GTPBP1: variants seen among roughly 807,000 people sequenced by gnomAD.
GTPBP1 encodes GTP-binding protein 1.
GTPBP1 carries 23 observed loss-of-function variants against 62.0 expected under a neutral mutation model. The ratio of observed to expected loss-of-function variants is 0.37; its 90% CI spans 0.27 to 0.53. The LOEUF (loss-of-function observed/expected upper bound fraction) is 0.53. GTPBP1 is among the 20% of genes least tolerant of loss of function. GTPBP1 has a pLI of 0.89. For missense variants in GTPBP1, 640 were observed against 917.3 expected (o/e 0.70, Z 3.90); for synonymous variants, 344 against 364.4 (o/e 0.94, Z 0.64).
chr22:38,722,816 G>A (rs768128821), intron 5 of GTPBP1: 1 of 1,591,382 alleles, frequency 6.3e-7, no homozygotes, highest in African/African-American at 1.3e-5. Flanking sequence ...CCAGTGTCCA[G>A]TTTGCTGGGC....
downstream of GTPBP1, chr22:38,734,288 G>A (rs1349461808): frequency 1.3e-5 from 6 of 467,192 alleles, no homozygotes; most frequent in Non-Finnish European, 1.8e-5. Flanking sequence ...TAAGCTGCTG[G>A]CTGTTCAAGG....
In GTPBP1 at chr22:38,730,778, A is replaced by T; in HGVS notation, c.*74A>T. On this transcript the variant is annotated 3_prime_UTR_variant, in exon 12 of 12. Transcript: ENST00000216044. This position sits in a 1 kb window ranked among gnomAD's most constrained non-coding sequence, Gnocchi z 5.6. ...CACCACTCCACCAGATGGGCAGAGC[A>T]GCTATGACCGCCACCCAGCCCTCCC... 1 of 806,518 alleles carries T rather than the reference A, an allele frequency of 1.2e-6. No individual in the cohort carries two copies. The highest frequency in any genetic ancestry group is 1.9e-6 in the Non-Finnish European group (1 of 518,790). 50.0% of individuals were successfully genotyped at this position (806,518 alleles called of 1,614,324 possible).
chr22:38,740,568 G>A, downstream of GTPBP1: 1 of 943,362 alleles, frequency 1.1e-6, no homozygotes, highest in Non-Finnish European at 1.5e-6. This position sits in a 1 kb window ranked among gnomAD's most constrained non-coding sequence, Gnocchi z 4.8. Context: ...ACCTGAGAAG[G>A]GGCAAGGCCT....
At chr22:38,715,824 T>C in intron 2 of GTPBP1, 83 bp from the exon 3 acceptor site, 3 of 1,164,690 alleles carry the variant, frequency 2.6e-6, no homozygotes, top group Non-Finnish European at 3.7e-6. Flanking sequence ...TGGCCTTTGT[T>C]AGGTGGGGTT....
chr22:38,715,553 T>C (rs1029781777), intron 2 of GTPBP1, among the ~76,000 whole-genome samples: 9 of 152,176 alleles, frequency 5.9e-5, no homozygotes, highest in African/African-American at 2.2e-4. Flanking sequence ...GCACTTGAGC[T>C]GTATTGCAAT....
chr22:38,706,121 G>A lies in GTPBP1; in HGVS notation c.166G>A (p.Glu56Lys). 2 of 1,301,160 alleles carry A rather than the reference G, an allele frequency of 1.5e-6. No individual in the cohort carries two copies. The highest frequency in any genetic ancestry group is 2.0e-6 in the Non-Finnish European group (2 of 1,023,676). 80.6% of individuals were successfully genotyped at this position (1,301,160 alleles called of 1,614,324 possible). Residue 56 changes from glutamate to lysine, a missense_variant, in exon 1 of 12, where the codon GAG becomes AAG. Coordinates refer to ENST00000216044, the MANE Select transcript of GTPBP1 (RefSeq NM_004286.5). Reference sequence around the variant, plus strand: ...CGAGGACGGCGAGGCGCTCAACGGCGAGCCAGAGCTGGACCTCACCAGCAA... The same window carrying A: ...CGAGGACGGCGAGGCGCTCAACGGCAAGCCAGAGCTGGACCTCACCAGCAA... ...CSEDGEALNG[E>K]PELDLTSKLV...
chr22:38,732,888 G>C lies in GTPBP1; in HGVS notation c.*2184G>C, dbSNP rs372624692. 2 of 152,312 alleles carry C rather than the reference G, an allele frequency of 1.3e-5. No homozygotes were observed. Among genetic ancestry groups the C allele is most frequent in the African/African-American group, 4.8e-5 (2 of 41,450 alleles). The allele number at this position is 152,312 out of a possible 1,614,324, so 9.4% of individuals were successfully genotyped here. ...CTTTTTGTATTTTAGTAGAGACAGG[G>C]TTTCGCCATGTCGGCCAGGGTGGTC... is the stretch of plus-strand genomic sequence containing the variant. On this transcript the variant is annotated 3_prime_UTR_variant, in exon 12 of 12. Coordinates refer to ENST00000216044, the MANE Select transcript of GTPBP1 (RefSeq NM_004286.5).
At position 38,732,336 on chromosome 22, in the gene GTPBP1, A is replaced by C. The variant is rs886069258; in HGVS notation, c.*1632A>C. 2.9e-4 allele frequency: 45 copies of C among 152,568 alleles called. No homozygotes were observed. The highest frequency in any genetic ancestry group is 1.1e-3 in the African/African-American group (45 of 41,430). The allele number at this position is 152,568 out of a possible 1,614,324, so 9.5% of individuals were successfully genotyped here. A position where few individuals can be genotyped will look rare whatever the true frequency, so the allele number is the denominator to read the frequency against. ...CCTGGGGCCCCTGGCGACAGCTGGG[A>C]GCAGGGCAGTGCTGTGAGGAGCCCA... On this transcript the variant is annotated 3_prime_UTR_variant, in exon 12 of 12. Transcript: ENST00000216044.
chr22:38,715,878 C>G, intron 2 of GTPBP1, 29 bp from the exon 3 acceptor site: 1 of 1,578,986 alleles, frequency 6.3e-7, no homozygotes. Context: ...GACTCCCTCT[C>G]CTGCTGATGT....
rs890081973 is a variant in GTPBP1, at chr22:38,723,353, G to C, written c.959-944G>C. ...TGAGGAGCTGGTGCTAAAGAATTTT[G>C]CTTGACTGGAACCAGACCATAATAT... On this transcript the variant is annotated intron_variant, in intron 5 of 11. Transcript: ENST00000216044. The C allele has an allele frequency of 2.4e-5, 20 of 836,726 alleles. No individual in the cohort carries two copies. The East Asian group carries it at 5.0e-4, about 21-fold the overall frequency. The allele number at this position is 836,726 out of a possible 1,614,324, so 51.8% of individuals were successfully genotyped here.
Position 38,726,232 on chromosome 22 carries a change from T to C in GTPBP1, c.1219-26T>C, listed in dbSNP as rs756354605. The C allele has an allele frequency of 7.4e-6, 12 of 1,612,858 alleles. No homozygotes were observed. Among genetic ancestry groups the C allele is most frequent in the African/African-American group, 2.7e-5 (2 of 74,850 alleles). ...TGGGTCTGTGCTGGGGATGCACTTA[T>C]GAGGCCAGGGTCTTCTCCTTGGCAG... On this transcript the variant is annotated intron_variant, in intron 7 of 11. Coordinates refer to ENST00000216044, the MANE Select transcript of GTPBP1 (RefSeq NM_004286.5). This position sits in a 1 kb window ranked among gnomAD's most constrained non-coding sequence, Gnocchi z 4.1.
downstream of GTPBP1, chr22:38,739,995 A>G (rs146979222): frequency 4.1e-4 from 637 of 1,569,542 alleles, 2 homozygotes; most frequent in Middle Eastern, 3.3e-3. The surrounding 1 kb of genome is among the most constrained non-coding windows in gnomAD (Gnocchi z 6.7). Flanking sequence ...GGACAGCAGG[A>G]GCTGCTATGA....
At chr22:38,742,430 C>A (rs767398562), downstream of GTPBP1, 17 of 1,613,458 alleles carry the variant, frequency 1.1e-5, no homozygotes, top group South Asian at 1.8e-4. Context: ...GGCCAGGAGC[C>A]CCTTGCCGCA....
Position 38,729,637 on chromosome 22 carries a change from C to A in GTPBP1, c.1892C>A (p.Ala631Asp). Residue 631 changes from alanine (A) to aspartate (D), a missense_variant, in exon 11 of 12, where the codon GCT becomes GAT. Ala to Asp is a moderately radical substitution (Grantham distance 126). Coordinates refer to ENST00000216044, the MANE Select transcript of GTPBP1 (RefSeq NM_004286.5). The part of the protein sequence containing the change: ...EASSVGAGQP[A>D]ASSNLQPQPK... ...TCCTCTGTAGGGGCAGGGCAACCAG[C>A]TGCGTCCAGCAATCTCCAGCCTCAG... is the stretch of plus-strand genomic sequence containing the variant. 3 of 1,510,240 alleles carry A rather than the reference C, an allele frequency of 2.0e-6. No individual in the cohort carries two copies. The highest frequency in any genetic ancestry group is 2.3e-5 in the Admixed American group (1 of 44,346). 93.6% of individuals were successfully genotyped at this position (1,510,240 alleles called of 1,614,324 possible). A position where few individuals can be genotyped will look rare whatever the true frequency, so the allele number is the denominator to read the frequency against.
chr22:38,714,874 T>C (rs902095770), intron 2 of GTPBP1, among the ~76,000 whole-genome samples: 2 of 152,096 alleles, frequency 1.3e-5, no homozygotes, highest in African/African-American at 2.4e-5. Flanking sequence ...CAGCACCTCA[T>C]GGAAAGCAGC....
chr22:38,713,143 A>G (rs1249778372), intron 2 of GTPBP1, among the ~76,000 whole-genome samples: 1 of 152,160 alleles, frequency 6.6e-6, no homozygotes, highest in Non-Finnish European at 1.5e-5. Context: ...CTTTCAGGAT[A>G]GGAAATCCAT....
Position 38,724,302 on chromosome 22 carries a change from C to T in GTPBP1, c.964C>T (p.Leu322=). The change falls in exon 6 of 12, where the codon CTG becomes TTG. Residue 322 remains leucine, a synonymous_variant. Transcript: ENST00000216044. The part of the protein sequence containing the change: ...MCPANILQET[L]KLLQRLLKSP... ...GTTCCATTGCACCCTTTAAGAAACC[C>T]TGAAGCTGTTACAGCGCCTGCTGAA... 2 of 1,604,656 alleles carry T rather than the reference C, an allele frequency of 1.2e-6. No individual in the cohort carries two copies. The highest frequency in any genetic ancestry group is 8.5e-7 in the Non-Finnish European group (1 of 1,171,430).
chr22:38,708,736 A>C (rs2092620897), intron 1 of GTPBP1, 109 bp from the exon 2 acceptor site: 1 of 680,750 alleles, frequency 1.5e-6, no homozygotes, highest in Admixed American at 2.3e-5. Flanking sequence ...TTTTTAGATG[A>C]GGGTGCTATG....
At chr22:38,722,676 G>T (rs2092706638) in intron 5 of GTPBP1, 1 of 1,565,514 alleles carries the variant, frequency 6.4e-7, no homozygotes, top group Non-Finnish European at 8.7e-7. Context: ...TCTATAAAAT[G>T]ATAAAAGCAG....
Sources: allele counts gnomAD v4.1 joint callset (sites outside exome capture counted in the v4.1 genomes callset), GRCh38; gene constraint gnomAD v4.1.1; non-coding constraint Gnocchi (gnomAD v3.1); transcripts MANE v1.5; gene names NCBI Gene and HGNC (gene_info 2026-07-23, HGNC 2026-07-21).